DAB1: variants seen among roughly 807,000 people sequenced by gnomAD.
The protein encoded by DAB1 is DAB adaptor protein 1, also known as disabled homolog 1.
DAB1 carries 15 observed loss-of-function variants against 64.6 expected under a neutral mutation model. The ratio of observed to expected loss-of-function variants is 0.23; its 90% CI spans 0.16 to 0.36. The LOEUF (loss-of-function observed/expected upper bound fraction) is 0.36. Ranked by LOEUF, DAB1 falls within the 10% of genes least tolerant of loss-of-function variation. The pLI is 1.00. For missense variants in DAB1, 596 were observed against 706.7 expected, an observed-to-expected ratio of 0.84 and a Z score of 1.78; for synonymous variants, 235 against 251.9, an observed-to-expected ratio of 0.93 and a Z score of 0.64.
chr1:57,336,388 AT>A (rs1315990213), intron 1 of DAB1, among the ~76,000 whole-genome samples: 1 of 152,234 alleles, frequency 6.6e-6, no homozygotes, highest in East Asian at 1.9e-4. Flanking sequence ...TTTAGGCAAA[AT>A]TTGGATTCAG....
At chr1:57,106,265 C>CG (rs68128260) in intron 4 of DAB1, among the ~76,000 whole-genome samples, 2 of 151,476 alleles carry the variant, frequency 1.3e-5, no homozygotes, top group African/African-American at 2.4e-5. Flanking sequence ...ACACCCCCCC[C>CG]CATCAGTATT....
rs1410513268 is a variant in DAB1, at chr1:57,877,874, T to C, written n.87+6125A>G. 1.3e-5 allele frequency among the ~76,000 whole-genome samples: 2 copies of C among 152,100 alleles called. 1 individual carries two copies. Among genetic ancestry groups the C allele is most frequent in the Non-Finnish European group, 2.9e-5 (2 of 68,022 alleles). ...CCACCGCGCCCGGCCGATTTATTTT[T>C]TATAATTACAAAAGTTACACATACT... On this transcript the variant is annotated intron_variant and non_coding_transcript_variant, in intron 1 of 1. Coordinates refer to the DAB1 transcript ENST00000477280.
At chr1:57,048,849 C>T (rs1379947194) in intron 9 of DAB1, among the ~76,000 whole-genome samples, 2 of 152,222 alleles carry the variant, frequency 1.3e-5, no homozygotes, top group African/African-American at 4.8e-5. Flanking sequence ...ACGGGGTGAT[C>T]ACTGTTATTC....
intron 9 of DAB1, among the ~76,000 whole-genome samples, chr1:57,041,664 A>G (rs1164072988): frequency 6.6e-6 from 1 of 152,350 alleles, no homozygotes; most frequent in East Asian, 1.9e-4. Flanking sequence ...ACAGTTGAAC[A>G]TGTGCCTGAC....
intron 4 of DAB1, among the ~76,000 whole-genome samples, chr1:57,133,937 C>T (rs1657850483): frequency 6.6e-6 from 1 of 152,116 alleles, no homozygotes; most frequent in Non-Finnish European, 1.5e-5. Flanking sequence ...TGTTCCTGCT[C>T]ATAATTTCCA....
rs767222915 is a variant in DAB1, at chr1:57,015,273, G to T, written c.1054C>A (p.Gln352Lys). 1 of 1,614,132 alleles carries T rather than the reference G, an allele frequency of 6.2e-7. No homozygotes were observed. The highest frequency in any genetic ancestry group is 1.3e-5 in the African/African-American group (1 of 75,038). Residue 352 changes from glutamine to lysine, a missense_variant, in exon 12 of 15, where the codon CAG becomes AAG. Transcript: ENST00000371236. ...GQPGLFPATQQPWPTVAGQFP... is the reference protein window; with the variant it reads ...GQPGLFPATQKPWPTVAGQFP... ...TGCCCGGCCACAGTTGGCCAGGGCT[G>T]CTGAGTGGCAGGAAAGAGACCCGGC...
intron 2 of DAB1, among the ~76,000 whole-genome samples, chr1:57,282,182 CAAAAAAAAAAAAAA>C (rs61512431): frequency 1.1e-5 from 1 of 92,768 alleles, no homozygotes; most frequent in Non-Finnish European, 2.2e-5. Flanking sequence ...GCCTTCTTCT[CAAAAAAAAAAAAAA>C]AAAAAAAAAA....
chr1:57,336,489 G>T (rs1677089332), intron 1 of DAB1, among the ~76,000 whole-genome samples: 1 of 152,160 alleles, frequency 6.6e-6, no homozygotes, highest in Non-Finnish European at 1.5e-5. Flanking sequence ...AACTTCTTTG[G>T]AACTCACAGC....
chr1:58,357,375 A>C (rs1436135007), intron 3 of DAB1, among the ~76,000 whole-genome samples: 2 of 152,110 alleles, frequency 1.3e-5, no homozygotes, highest in Non-Finnish European at 2.9e-5. Context: ...TGGCTTAAGG[A>C]ACATGGTGGG....
rs1649725829 is a variant in DAB1 at position 58,077,441 on chromosome 1, A to G, written n.387+73070T>C. Among the ~76,000 whole-genome samples the G allele has an allele frequency of 1.3e-5, 2 of 152,222 alleles. 1 individual carries two copies. Among genetic ancestry groups the G allele is most frequent in the South Asian group, 4.1e-4 (2 of 4,830 alleles). On this transcript the variant is annotated intron_variant and non_coding_transcript_variant, in intron 5 of 20. Coordinates refer to the DAB1 transcript ENST00000485760. ...TCCCTAGATGAGGAGGAAAGAGGAA[A>G]GTGGTACAGTCTGGCAAATAATGAG... is the stretch of plus-strand genomic sequence containing the variant.
chr1:57,089,037 G>T (rs1653374874), intron 4 of DAB1, among the ~76,000 whole-genome samples: 3 of 152,210 alleles, frequency 2.0e-5, no homozygotes, highest in Non-Finnish European at 1.5e-5. Context: ...GTACACCTGG[G>T]CTAAACACCT....
intron 6 of DAB1, among the ~76,000 whole-genome samples, chr1:57,813,122 C>T (rs929554596): frequency 2.0e-5 from 3 of 152,168 alleles, no homozygotes; most frequent in African/African-American, 7.2e-5. Flanking sequence ...TGCTTATATG[C>T]ATCTATAATA....
intron 5 of DAB1, among the ~76,000 whole-genome samples, chr1:58,113,825 TCA>T (rs1372247625): frequency 6.6e-6 from 1 of 152,120 alleles, no homozygotes; most frequent in African/African-American, 2.4e-5. Flanking sequence ...GCTCTGGAGC[TCA>T]CAAAGCACTT....
chr1:57,589,034 G>A (rs917882198), intron 7 of DAB1, among the ~76,000 whole-genome samples: 5 of 152,118 alleles, frequency 3.3e-5, no homozygotes, highest in South Asian at 2.1e-4. Context: ...TCAGGAGTTC[G>A]AGACCAGCCT....
At chr1:57,601,671 T>C (rs1369549200) in intron 7 of DAB1, among the ~76,000 whole-genome samples, 1 of 152,124 alleles carries the variant, frequency 6.6e-6, no homozygotes, top group Non-Finnish European at 1.5e-5. Flanking sequence ...GGTAGGTACT[T>C]TGGGAAAGTA....
chr1:57,048,076 G>A lies in DAB1; in HGVS notation c.723+14808C>T, dbSNP rs539272985. ...TTCAATTCTTAAAAGAACTCTATAA[G>A]GTAGTTACCACAGTCATTATCCTCA... is the stretch of plus-strand genomic sequence containing the variant. On this transcript the variant is annotated intron_variant, in intron 9 of 14. Transcript: ENST00000371236. Among the ~76,000 whole-genome samples, 11 of 152,222 alleles carry A rather than the reference G, an allele frequency of 7.2e-5. No individual in the cohort carries two copies. In the East Asian group the frequency reaches 1.7e-3, roughly 24 times the overall value.
intron 5 of DAB1, among the ~76,000 whole-genome samples, chr1:58,083,852 T>C (rs1402163900): frequency 6.6e-6 from 1 of 152,098 alleles, no homozygotes; most frequent in Non-Finnish European, 1.5e-5. Context: ...AGAAACTCTG[T>C]TTGAGGAGGT....
chr1:57,426,876 T>TATATATATATATATATATATATATA (rs1383757354), upstream of DAB1, among the ~76,000 whole-genome samples: 218 of 134,832 alleles, frequency 1.6e-3, 2 homozygotes, highest in Middle Eastern at 3.8e-3. Flanking sequence ...ATATATATAT[T>TATATATATATATATATATATATATA]TTTTTGAGAC....
chr1:57,606,391 T>TATATATATATATATATATAC (rs1491526140), intron 7 of DAB1, among the ~76,000 whole-genome samples: 2 of 126,422 alleles, frequency 1.6e-5, no homozygotes, highest in African/African-American at 6.0e-5. Context: ...TATATATATA[T>TATATATATATATATATATAC]ACACATTATA....
Sources: gnomAD v4.1 joint callset for allele counts (sites outside exome capture counted in the v4.1 genomes callset) on GRCh38, gnomAD v4.1.1 for gene constraint, MANE v1.5 for transcripts, NCBI Gene and HGNC (gene_info 2026-07-23, HGNC 2026-07-21) for gene names.